The following BAP1 variants were observed in gnomAD, a reference collection of about 807,000 sequenced individuals.
The protein encoded by BAP1 is BRCA1 associated deubiquitinase 1.
A neutral mutation model predicts 77.2 loss-of-function variants in BAP1; 16 were observed. The ratio of observed to expected loss-of-function variants is 0.21; its 90% CI spans 0.14 to 0.31. BAP1 has a LOEUF of 0.31. Among genes scored for constraint, BAP1 ranks in the 10% least tolerant of loss-of-function variants. The pLI is 1.00. For synonymous variants in BAP1, 362 were observed against 385.2 expected, an observed-to-expected ratio of 0.94 and a Z score of 0.71; for missense variants, 699 against 967.3, an observed-to-expected ratio of 0.72 and a Z score of 3.68.
chr3:52,408,728 CCT>C (rs1039193913), intron 3 of BAP1, 122 bp from the exon 4 acceptor site: 7 of 1,279,982 alleles, frequency 5.5e-6, no homozygotes, highest in South Asian at 1.5e-5. Flanking sequence ...TGTGATCCCC[CCT>C]CTCCCCTGGC....
chr3:52,401,878 A>G lies in BAP1; in HGVS notation c.*410T>C, dbSNP rs1250885777. 2.6e-5 allele frequency: 9 copies of G among 341,310 alleles called. No individual in the cohort carries two copies. Among genetic ancestry groups the G allele is most frequent in the Admixed American group, 4.5e-5 (1 of 22,456 alleles). The allele number at this position is 341,310 out of a possible 1,614,324, so 21.1% of individuals were successfully genotyped here. A position where few individuals can be genotyped will look rare whatever the true frequency, so the allele number is the denominator to read the frequency against. On this transcript the variant is annotated 3_prime_UTR_variant, in exon 17 of 17. Transcript: ENST00000460680. ...CATGATACAAGGACCTGGGCCCACC[A>G]GGACAGCTCCTAGGAGAGAAAGCAT... is the stretch of plus-strand genomic sequence containing the variant.
chr3:52,401,527 G>A lies in BAP1; in HGVS notation c.*761C>T, dbSNP rs929317228. 8 of 233,756 alleles carry A rather than the reference G, an allele frequency of 3.4e-5. No individual in the cohort carries two copies. Among genetic ancestry groups the A allele is most frequent in the Non-Finnish European group, 6.8e-5 (8 of 118,204 alleles). 14.5% of individuals were successfully genotyped at this position (233,756 alleles called of 1,614,324 possible). A position where few individuals can be genotyped will look rare whatever the true frequency, so the allele number is the denominator to read the frequency against. ...AGGGCCACAACACTGAAGGCGAAGA[G>A]CCCTAGAACCTTGCTATGGAGAGCA... On this transcript the variant is annotated 3_prime_UTR_variant, in exon 17 of 17. Transcript: ENST00000460680.
chr3:52,402,563 G>A lies in BAP1; in HGVS notation c.2056+39C>T, dbSNP rs989054171. 7.4e-6 allele frequency: 12 copies of A among 1,612,982 alleles called. No individual in the cohort carries two copies. The South Asian group carries it at 9.9e-5, about 13-fold the overall frequency. ...GGGGAGCTGAAGGACACGGCCCTCA[G>A]CAGGGCATTCCAGTTAAGACAGCAG... On this transcript the variant is annotated intron_variant, in intron 16 of 16. Transcript: ENST00000460680. This position sits in a 1 kb window ranked among gnomAD's most constrained non-coding sequence, Gnocchi z 5.3.
At position 52,409,752 on chromosome 3, in the gene BAP1, G is replaced by C. The variant is rs1705308264; in HGVS notation, c.38-9C>G. 1 of 1,613,758 alleles carries C rather than the reference G, an allele frequency of 6.2e-7. No individual in the cohort carries two copies. Among genetic ancestry groups the C allele is most frequent in the Non-Finnish European group, 8.5e-7 (1 of 1,179,958 alleles). ...GAGCAGGGTGAAGAGGCCTGGGTGG[G>C]GCGACAAGAGGAGGGGGTGATGGTC... On this transcript the variant is annotated splice_polypyrimidine_tract_variant and intron_variant, in intron 1 of 16. Transcript: ENST00000460680.
In BAP1 at chr3:52,403,844, T is replaced by A. The variant is rs772437485; in HGVS notation, c.1301A>T (p.Asp434Val). 5 of 1,614,074 alleles carry A rather than the reference T, an allele frequency of 3.1e-6. No homozygotes were observed. The East Asian group carries it at 1.1e-4, about 36-fold the overall frequency. Reference protein sequence around the residue: ...GKPGALSGSADGQLSVLQPNT... With the variant: ...GKPGALSGSAVGQLSVLQPNT... The stretch of plus-strand genomic sequence containing the variant: ...GGGCTGCAGCACTGACAGTTGCCCA[T>A]CAGCAGAACCGCTCAATGCCCCTGG... Residue 434 changes from aspartate (D) to valine (V), a missense_variant, in exon 13 of 17, where the codon GAT becomes GTT. Physicochemically the swap from Asp to Val is radical, Grantham distance 152 (BLOSUM62 -3). This residue lies in a region of BAP1 where 475 missense variants were observed against 532.4 expected (regional missense o/e 0.89). Transcript: ENST00000460680. The surrounding 1 kb of genome is among the most constrained non-coding windows in gnomAD (Gnocchi z 4.0).
chr3:52,409,823 C>T lies in BAP1; in HGVS notation c.37+19G>A, dbSNP rs1553646394. 4 of 1,612,832 alleles carry T rather than the reference C, an allele frequency of 2.5e-6. No homozygotes were observed. The highest frequency in any genetic ancestry group is 3.4e-6 in the Non-Finnish European group (4 of 1,179,938). On this transcript the variant is annotated intron_variant, in intron 1 of 16. Transcript: ENST00000460680. ...CATCCGGCCTCCCCAGCCCCTGGCC[C>T]TCCCGGTCCCCTCCTCACCTGGGTC...
In BAP1 at chr3:52,403,157, C is replaced by T. The variant is rs2153226441; in HGVS notation, c.1871G>A (p.Gly624Glu). Residue 624 changes from glycine to glutamate, a missense_variant, in exon 14 of 17, where the codon GGG (glycine) becomes GAG (glutamate). Around this residue, in one of 3 missense-constraint regions of BAP1, gnomAD observed 475 missense variants for 532.4 expected, o/e 0.89. Coordinates refer to ENST00000460680, the MANE Select transcript of BAP1 (RefSeq NM_004656.4). This position sits in a 1 kb window ranked among gnomAD's most constrained non-coding sequence, Gnocchi z 4.0. ...GCTCACCTTGGGTGAGTATTTCTCC[C>T]CACTCAAGGGCTCGCCAGGCCTCAC... is the stretch of plus-strand genomic sequence containing the variant. The part of the protein sequence containing the change: ...GMVRPGEPLS[G>E]EKYSPKELLA... 1 of 1,613,816 alleles carries T rather than the reference C, an allele frequency of 6.2e-7. No homozygotes were observed. The highest frequency in any genetic ancestry group is 8.5e-7 in the Non-Finnish European group (1 of 1,180,024).
rs148990823 is a variant in BAP1 at position 52,403,597 on chromosome 3, C to T, written c.1548G>A (p.Pro516=). 2.1e-5 allele frequency: 34 copies of T among 1,614,044 alleles called. No homozygotes were observed. The Middle Eastern group carries it at 4.9e-4, about 23-fold the overall frequency. ...PLRSPIRSAN[P]TRPSSPVTSH... Reference sequence around the variant, plus strand: ...AGGTGACAGGGCTGGAGGGCCGCGTCGGGTTGGCTGAGCGGATAGGCGAGC... The same window carrying T: ...AGGTGACAGGGCTGGAGGGCCGCGTTGGGTTGGCTGAGCGGATAGGCGAGC... The change falls in exon 13 of 17, where the codon CCG becomes CCA. Residue 516 remains proline, a synonymous_variant. Transcript: ENST00000460680. The surrounding 1 kb of genome is among the most constrained non-coding windows in gnomAD (Gnocchi z 4.0).
Position 52,402,542 on chromosome 3 carries a change from A to T in BAP1, c.2056+60T>A, listed in dbSNP as rs1578218542. On this transcript the variant is annotated intron_variant, in intron 16 of 16. Coordinates refer to ENST00000460680, the MANE Select transcript of BAP1 (RefSeq NM_004656.4). This position sits in a 1 kb window ranked among gnomAD's most constrained non-coding sequence, Gnocchi z 5.3. ...GCCTCAGGAGAGGCCAGGGGAGGGGAGCTGAAGGACACGGCCCTCAGCAGG... is the reference window on the plus strand; with the variant it reads ...GCCTCAGGAGAGGCCAGGGGAGGGGTGCTGAAGGACACGGCCCTCAGCAGG... 6.2e-7 allele frequency: 1 copy of T among 1,611,762 alleles called. No individual in the cohort carries two copies. Among genetic ancestry groups the T allele is most frequent in the Non-Finnish European group, 8.5e-7 (1 of 1,178,066 alleles).
Position 52,406,520 on chromosome 3 carries a change from C to A in BAP1, c.660-144G>T. On this transcript the variant is annotated intron_variant, in intron 8 of 16. Coordinates refer to ENST00000460680, the MANE Select transcript of BAP1 (RefSeq NM_004656.4). The surrounding 1 kb of genome is among the most constrained non-coding windows in gnomAD (Gnocchi z 4.6). The stretch of plus-strand genomic sequence containing the variant: ...CCCCAACAGGCAGGCAGCGACTAGC[C>A]ATACATGCCAGGCACCTGAGCTGGT... 7.7e-7 allele frequency: 1 copy of A among 1,293,658 alleles called. No individual in the cohort carries two copies. The highest frequency in any genetic ancestry group is 1.1e-6 in the Non-Finnish European group (1 of 928,294). The allele number at this position is 1,293,658 out of a possible 1,614,324, so 80.1% of individuals were successfully genotyped here.
chr3:52,408,207 T>C, intron 4 of BAP1, 130 bp from the exon 5 acceptor site: 1 of 1,451,510 alleles, frequency 6.9e-7, no homozygotes, highest in Non-Finnish European at 9.4e-7. Context: ...GCTCCTTTCA[T>C]CTTTGCCTAA....
chr3:52,404,329 A>C (rs1705075819), intron 12 of BAP1, 124 bp downstream of exon 12: 2 of 1,535,090 alleles, frequency 1.3e-6, no homozygotes, highest in Non-Finnish European at 1.8e-6. Flanking sequence ...AGCCTCCCCC[A>C]GGGCCCCAAA....
rs776549962 is a variant in BAP1, at chr3:52,403,476, T to A, written c.1669A>T (p.Ile557Phe). Residue 557 changes from isoleucine to phenylalanine, a missense_variant, in exon 13 of 17, where the codon ATC (isoleucine) becomes TTC (phenylalanine). Ile to Phe is a conservative substitution (Grantham distance 21, BLOSUM62 0). Coordinates refer to ENST00000460680, the MANE Select transcript of BAP1 (RefSeq NM_004656.4). This position sits in a 1 kb window ranked among gnomAD's most constrained non-coding sequence, Gnocchi z 4.0. ...GCCAGGTGCAGCAGGCCTGTGCTGA[T>A]GACAGGACCCAGATCACGGACAGCA... is the stretch of plus-strand genomic sequence containing the variant. Reference protein sequence around the residue: ...NRAVRDLGPVISTGLLHLAED... With the variant: ...NRAVRDLGPVFSTGLLHLAED... 1 of 1,613,956 alleles carries A rather than the reference T, an allele frequency of 6.2e-7. No individual in the cohort carries two copies. The highest frequency in any genetic ancestry group is 1.1e-5 in the South Asian group (1 of 91,084).
At chr3:52,404,209 C>T (rs1705071288) in intron 12 of BAP1, among the ~76,000 whole-genome samples, 1 of 152,246 alleles carries the variant, frequency 6.6e-6, no homozygotes, top group African/African-American at 2.4e-5. Flanking sequence ...TCCTTCAAGG[C>T]CTGGCTAAAA....
intron 12 of BAP1, 100 bp downstream of exon 12, chr3:52,404,353 C>G: frequency 6.3e-7 from 1 of 1,597,130 alleles, no homozygotes; most frequent in East Asian, 2.2e-5. Context: ...CGCAGGTGCT[C>G]AACATTATCT....
rs887658889 is a variant in BAP1 at position 52,407,300 on chromosome 3, G to A, written c.454C>T (p.Leu152Phe). ...NSHARPEPRH[L>F]PEKQNGLSAV... ...CTAAGGCCATTCTGCTTCTCAGGGA[G>A]GTGGCGTGGCTCGGGCCTGGGGAAA... The change falls in exon 7 of 17, where the codon CTC (leucine) becomes TTC (phenylalanine). Residue 152 changes from leucine to phenylalanine, a missense_variant. Physicochemically the swap from Leu to Phe is conservative, Grantham distance 22. Around this residue, in one of 3 missense-constraint regions of BAP1, gnomAD observed 160 missense variants for 322.8 expected, o/e 0.50. Transcript: ENST00000460680. The A allele has an allele frequency of 1.9e-6, 3 of 1,614,062 alleles. No individual in the cohort carries two copies. Among genetic ancestry groups the A allele is most frequent in the Non-Finnish European group, 2.5e-6 (3 of 1,180,036 alleles).
chr3:52,408,350 G>A (rs182969751), intron 4 of BAP1, 124 bp downstream of exon 4: 3 of 1,460,446 alleles, frequency 2.1e-6, no homozygotes, highest in Admixed American at 2.0e-5. Context: ...TCTGCCAGAG[G>A]ATTTCTGTAG....
At position 52,406,549 on chromosome 3, in the gene BAP1, T is replaced by G. The variant is rs942786080; in HGVS notation, c.660-173A>C. ...CATGCCAGGCACCTGAGCTGGTACC[T>G]TCCAACAAGCTGTATGAGGGGCCTA... On this transcript the variant is annotated intron_variant, in intron 8 of 16. Coordinates refer to ENST00000460680, the MANE Select transcript of BAP1 (RefSeq NM_004656.4). This position sits in a 1 kb window ranked among gnomAD's most constrained non-coding sequence, Gnocchi z 4.6. 3 of 1,068,050 alleles carry G rather than the reference T, an allele frequency of 2.8e-6. No homozygotes were observed. In the African/African-American group the frequency reaches 4.7e-5, roughly 17 times the overall value. 66.2% of individuals were successfully genotyped at this position (1,068,050 alleles called of 1,614,324 possible).
chr3:52,405,334 A>C (rs779729129), intron 10 of BAP1, 40 bp from the exon 11 acceptor site: 2 of 1,611,106 alleles, frequency 1.2e-6, no homozygotes, highest in Non-Finnish European at 1.7e-6. Context: ...CTCCAGTAGG[A>C]TCTCCAAGAA....
Sources: allele counts gnomAD v4.1 joint callset (sites outside exome capture counted in the v4.1 genomes callset), GRCh38; gene constraint gnomAD v4.1.1; regional missense constraint gnomAD v4.1.1; non-coding constraint Gnocchi (gnomAD v3.1); transcripts MANE v1.5; gene names NCBI Gene and HGNC (gene_info 2026-07-23, HGNC 2026-07-21).